The following GRIK4 variants were observed in gnomAD, a reference collection of about 807,000 sequenced individuals.
GRIK4 encodes glutamate receptor ionotropic, kainate 4.
Under a neutral mutation model 104.9 loss-of-function variants are expected in GRIK4, and 40 were observed. The observed-to-expected ratio is 0.38, with a 90% CI of 0.30 to 0.50. The LOEUF is 0.50. Among genes scored for constraint, GRIK4 ranks in the 20% least tolerant of loss-of-function variants. The pLI is 0.93. For missense variants in GRIK4, 1,047 were observed against 1,308.1 expected (o/e 0.80, Z 3.08); for synonymous variants, 485 against 524.9 (o/e 0.92, Z 1.04).
At chr11:120,880,532 A>G (rs1055748765) in intron 11 of GRIK4, among the ~76,000 whole-genome samples, 1 of 152,196 alleles carries the variant, frequency 6.6e-6, no homozygotes, top group Non-Finnish European at 1.5e-5. Context: ...TCTGCCTTCA[A>G]AGTCCAAGGT....
At chr11:120,656,968 A>T (rs1463516948) in intron 2 of GRIK4, among the ~76,000 whole-genome samples, 1 of 152,184 alleles carries the variant, frequency 6.6e-6, no homozygotes, top group Non-Finnish European at 1.5e-5. Context: ...AAATTTACAC[A>T]GGGTAATCTG....
intron 3 of GRIK4, among the ~76,000 whole-genome samples, chr11:120,742,517 A>ATT (rs1157051470): frequency 2.6e-4 from 17 of 65,808 alleles, no homozygotes; most frequent in South Asian, 5.6e-4. Context: ...TATTATTATT[A>ATT]TTATTATTAT....
intron 1 of GRIK4, among the ~76,000 whole-genome samples, chr11:120,592,912 G>A (rs945529107): frequency 1.3e-5 from 2 of 152,172 alleles, no homozygotes; most frequent in African/African-American, 2.4e-5. Flanking sequence ...GCTGGGTGTG[G>A]TGGTTCACAC....
At chr11:120,831,281 C>G (rs377712181) in intron 6 of GRIK4, among the ~76,000 whole-genome samples, 13 of 152,378 alleles carry the variant, frequency 8.5e-5, no homozygotes, top group Non-Finnish European at 1.2e-4. Context: ...AACAAAGGCT[C>G]TTACAGAGCC....
intron 8 of GRIK4, chr11:120,858,553 G>C (rs893352819): frequency 2.0e-5 from 3 of 152,150 alleles, no homozygotes; most frequent in Admixed American, 6.5e-5. Flanking sequence ...TTCACTGCTG[G>C]ACTCTTTTCA....
intron 1 of GRIK4, among the ~76,000 whole-genome samples, chr11:120,627,270 T>C (rs542969533): frequency 2.9e-4 from 44 of 152,348 alleles, no homozygotes; most frequent in South Asian, 1.7e-3. Flanking sequence ...TCTCGCCATT[T>C]ACTTACAAAA....
intron 3 of GRIK4, among the ~76,000 whole-genome samples, chr11:120,794,043 G>A (rs1952457965): frequency 6.6e-6 from 1 of 151,252 alleles, no homozygotes; most frequent in Non-Finnish European, 1.5e-5. Context: ...GGTTAGAGGT[G>A]AGGGGCAGTG....
intron 2 of GRIK4, among the ~76,000 whole-genome samples, chr11:120,654,436 C>T (rs1949669309): frequency 6.6e-6 from 1 of 152,028 alleles, no homozygotes; most frequent in Non-Finnish European, 1.5e-5. Context: ...TGATCTCTGC[C>T]CACTGCGACC....
Position 120,819,831 on chromosome 11 carries a change from C to A in GRIK4, c.422C>A (p.Pro141His). 1.2e-6 allele frequency: 2 copies of A among 1,614,078 alleles called. No individual in the cohort carries two copies. Among genetic ancestry groups the A allele is most frequent in the Non-Finnish European group, 1.7e-6 (2 of 1,179,932 alleles). Reference sequence around the variant, plus strand: ...AGATTCACAACCCTGAACCTCCACCCCAGCAACACTGACATCAGCGTGGCT... The same window carrying A: ...AGATTCACAACCCTGAACCTCCACCACAGCAACACTGACATCAGCGTGGCT... ...FQRFTTLNLH[P>H]SNTDISVAVA... The change falls in exon 6 of 21, where the codon CCC (proline) becomes CAC (histidine). Residue 141 changes from proline (P) to histidine (H), a missense_variant. Transcript: ENST00000527524. The surrounding 1 kb of genome is among the most constrained non-coding windows in gnomAD (Gnocchi z 4.3).
intron 1 of GRIK4, among the ~76,000 whole-genome samples, chr11:120,577,716 G>A (rs997975746): frequency 6.6e-6 from 1 of 152,206 alleles, no homozygotes; most frequent in Non-Finnish European, 1.5e-5. Flanking sequence ...CCTGTCTTCA[G>A]TCCTCCCCAA....
chr11:120,518,679 C>T (rs117116784), intron 1 of GRIK4, among the ~76,000 whole-genome samples: 1,679 of 152,166 alleles, frequency 0.011, 45 homozygotes, highest in East Asian at 0.064. Context: ...GTGCAATGTG[C>T]GCGACCTTGG....
intron 14 of GRIK4, among the ~76,000 whole-genome samples, chr11:120,946,976 T>C (rs190639814): frequency 2.0e-5 from 3 of 152,336 alleles, no homozygotes; most frequent in Admixed American, 2.0e-4. Context: ...CTTACCATTT[T>C]CCCTCCATAC....
chr11:120,967,220 T>C lies in GRIK4; in HGVS notation c.2292T>C (p.Asp764=), dbSNP rs1565468171. 6.2e-7 allele frequency: 1 copy of C among 1,613,728 alleles called. No individual in the cohort carries two copies. The highest frequency in any genetic ancestry group is 8.5e-7 in the Non-Finnish European group (1 of 1,179,810). The change falls in exon 19 of 21, where the codon GAT becomes GAC. Residue 764 remains aspartate (D), a synonymous_variant. Coordinates refer to ENST00000527524, the MANE Select transcript of GRIK4 (RefSeq NM_014619.5). This position sits in a 1 kb window ranked among gnomAD's most constrained non-coding sequence, Gnocchi z 4.2. ...GCTCGGTTTTCCGGGACGAGTTTGA[T>C]CTGGCCATTCTCCAGCTGCAGGAGA... The part of the protein sequence containing the change: ...PVGSVFRDEF[D]LAILQLQENN...
intron 1 of GRIK4, among the ~76,000 whole-genome samples, chr11:120,614,997 TCAAAA>T (rs943824105): frequency 3.3e-5 from 5 of 152,078 alleles, no homozygotes; most frequent in South Asian, 2.1e-4. Flanking sequence ...AGACTCAATC[TCAAAA>T]CAAAACAAAA....
At position 120,847,828 on chromosome 11, in the gene GRIK4, C is replaced by A. The variant is rs374500834; in HGVS notation, c.744+10984C>A. ...GCTTGTCACAAATGCCTGTCCCAGGCTAAATATCATAAAATCCCAGACCCA... is the reference window on the plus strand; with the variant it reads ...GCTTGTCACAAATGCCTGTCCCAGGATAAATATCATAAAATCCCAGACCCA... On this transcript the variant is annotated intron_variant, in intron 8 of 20. Coordinates refer to ENST00000527524, the MANE Select transcript of GRIK4 (RefSeq NM_014619.5). Among the ~76,000 whole-genome samples, 6 of 152,192 alleles carry A rather than the reference C, an allele frequency of 3.9e-5. No homozygotes were observed. In the East Asian group the frequency reaches 7.7e-4, roughly 20 times the overall value.
At chr11:120,652,139 T>G (rs186223439) in intron 1 of GRIK4, among the ~76,000 whole-genome samples, 1 of 152,344 alleles carries the variant, frequency 6.6e-6, no homozygotes, top group Admixed American at 6.5e-5. Flanking sequence ...CGCAGGGTTC[T>G]CCTGAGGAGT....
At chr11:120,912,053 T>C (rs1943011171) in intron 13 of GRIK4, among the ~76,000 whole-genome samples, 1 of 152,206 alleles carries the variant, frequency 6.6e-6, no homozygotes, top group South Asian at 2.1e-4. Flanking sequence ...GGGATTATAC[T>C]ATATGCAGTG....
chr11:120,791,163 G>A (rs983036138), intron 3 of GRIK4, among the ~76,000 whole-genome samples: 1 of 152,074 alleles, frequency 6.6e-6, no homozygotes, highest in East Asian at 1.9e-4. Flanking sequence ...GTAAAATTGG[G>A]GGACACTTAC....
chr11:120,889,065 T>C (rs1233600241), intron 11 of GRIK4, among the ~76,000 whole-genome samples: 2 of 152,218 alleles, frequency 1.3e-5, no homozygotes, highest in Non-Finnish European at 2.9e-5. Context: ...CCTCTGCTAC[T>C]AGAATGCAGC....
Sources: allele counts gnomAD v4.1 joint callset (sites outside exome capture counted in the v4.1 genomes callset), GRCh38; gene constraint gnomAD v4.1.1; non-coding constraint Gnocchi (gnomAD v3.1); transcripts MANE v1.5; gene names NCBI Gene and HGNC (gene_info 2026-07-23, HGNC 2026-07-21).